Variants in COL24A1 observed in about 807,000 individuals in gnomAD.
COL24A1 encodes the protein collagen type XXIV alpha 1 chain.
In COL24A1, 224 loss-of-function variants were observed where a neutral mutation model predicts 253.9. That is an observed-to-expected ratio of 0.88 (90% CI 0.79 to 0.99). The LOEUF is 0.99. Among genes scored for constraint, COL24A1 ranks in the 50% least tolerant of loss-of-function variants. COL24A1 has a pLI of 0.00. For synonymous variants in COL24A1, 685 were observed against 673.7 expected, an observed-to-expected ratio of 1.02 and a Z score of -0.26; for missense variants, 2,131 against 2,068.5, an observed-to-expected ratio of 1.03 and a Z score of -0.59.
At chr1:85,922,284 T>C (rs1338292946) in intron 24 of COL24A1, among the ~76,000 whole-genome samples, 1 of 152,120 alleles carries the variant, frequency 6.6e-6, no homozygotes, top group Non-Finnish European at 1.5e-5. Flanking sequence ...CCTAGCAAGG[T>C]AGGCCAACAT....
intron 22 of COL24A1, among the ~76,000 whole-genome samples, chr1:85,969,932 G>A (rs896132285): frequency 6.6e-6 from 1 of 151,852 alleles, no homozygotes; most frequent in African/African-American, 2.4e-5. Flanking sequence ...TTACTAAAAT[G>A]GCTAAAGTAT....
At chr1:86,062,865 T>C (rs4522024) in intron 8 of COL24A1, among the ~76,000 whole-genome samples, 65,207 of 151,916 alleles carry the variant, frequency 0.43, 14,667 homozygotes, top group Middle Eastern at 0.64. Flanking sequence ...TAACTTAACA[T>C]GAATGAAAGG....
chr1:85,940,785 A>C (rs1688688750), intron 24 of COL24A1, among the ~76,000 whole-genome samples: 1 of 152,206 alleles, frequency 6.6e-6, no homozygotes, highest in Non-Finnish European at 1.5e-5. Context: ...GTTTTGCCCG[A>C]GGAAGGTCTG....
intron 32 of COL24A1, 123 bp downstream of exon 32, chr1:85,889,437 A>C: frequency 1.3e-6 from 1 of 770,302 alleles, no homozygotes; most frequent in South Asian, 1.7e-5. Flanking sequence ...TGATTAGTCT[A>C]TGGTGTCTAT....
At chr1:85,893,153 A>G (rs543407302) in intron 31 of COL24A1, among the ~76,000 whole-genome samples, 7 of 152,274 alleles carry the variant, frequency 4.6e-5, no homozygotes, top group Non-Finnish European at 1.0e-4. Context: ...TAAATTAAGG[A>G]ACAAGATATG....
chr1:85,961,308 T>C lies in COL24A1; in HGVS notation c.2518-15A>G, dbSNP rs532359179. On this transcript the variant is annotated splice_polypyrimidine_tract_variant and intron_variant, in intron 23 of 59. Transcript: ENST00000370571. ...CCTACTTCTCCCTGTCAAAAAAGAA[T>C]ATAAAGTTGCAAAAACAGTTATTTT... is the stretch of plus-strand genomic sequence containing the variant. 14 of 1,593,888 alleles carry C rather than the reference T, an allele frequency of 8.8e-6. No homozygotes were observed. The South Asian group carries it at 1.3e-4, about 15-fold the overall frequency.
At chr1:86,047,030 A>G (rs1285119533) in intron 11 of COL24A1, among the ~76,000 whole-genome samples, 161 bp from the exon 12 acceptor site, 1 of 152,204 alleles carries the variant, frequency 6.6e-6, no homozygotes. Context: ...TATTAATTTA[A>G]CTGAGGCAGC....
At chr1:86,019,371 C>G (rs1697279649) in intron 18 of COL24A1, among the ~76,000 whole-genome samples, 1 of 149,668 alleles carries the variant, frequency 6.7e-6, no homozygotes, top group Non-Finnish European at 1.5e-5. Flanking sequence ...ACCTGGGCAA[C>G]AAAGCAAGAC....
In COL24A1 at chr1:85,961,286, ACTT is replaced by A; in HGVS notation, c.2522_2524del (p.Glu841del). On this transcript the variant is annotated inframe_deletion, in exon 24 of 60. Coordinates refer to ENST00000370571, the MANE Select transcript of COL24A1 (RefSeq NM_152890.7). ...TTTTCCAATATTTCCTTGATCTCCT[ACTT>A]CTCCCTGTCAAAAAAGAATATAAAG... is the stretch of plus-strand genomic sequence containing the variant. The A allele has an allele frequency of 6.2e-7, 1 of 1,603,480 alleles. No homozygotes were observed. The highest frequency in any genetic ancestry group is 1.1e-5 in the South Asian group (1 of 90,368).
chr1:86,130,259 T>C (rs188095477), intron 2 of COL24A1, among the ~76,000 whole-genome samples: 2 of 152,074 alleles, frequency 1.3e-5, no homozygotes, highest in Admixed American at 1.3e-4. Flanking sequence ...TGAAACACTA[T>C]GTTTTAGGTA....
At chr1:86,098,387 GC>G (rs772180894) in intron 5 of COL24A1, among the ~76,000 whole-genome samples, 2 of 135,504 alleles carry the variant, frequency 1.5e-5, no homozygotes, top group African/African-American at 2.7e-5. Flanking sequence ...AAAGAAAGGA[GC>G]TTCCCCCAAA....
chr1:85,867,319 C>T (rs1381451540), intron 37 of COL24A1, among the ~76,000 whole-genome samples: 1 of 152,214 alleles, frequency 6.6e-6, no homozygotes, highest in Non-Finnish European at 1.5e-5. Context: ...TAATTAGTTC[C>T]TCAGTCTTTA....
At chr1:85,946,669 T>C (rs1689350821) in intron 24 of COL24A1, among the ~76,000 whole-genome samples, 1 of 152,200 alleles carries the variant, frequency 6.6e-6, no homozygotes, top group South Asian at 2.1e-4. Flanking sequence ...GCATTTACCC[T>C]AAGTGGAAGT....
At chr1:85,745,864 A>G (rs1665155795) in intron 55 of COL24A1, among the ~76,000 whole-genome samples, 1 of 152,218 alleles carries the variant, frequency 6.6e-6, no homozygotes, top group African/African-American at 2.4e-5. Context: ...TGAAGAATAA[A>G]TAACTGTAGC....
chr1:86,065,573 G>A (rs1421067648), intron 7 of COL24A1, among the ~76,000 whole-genome samples: 1 of 151,998 alleles, frequency 6.6e-6, no homozygotes, highest in African/African-American at 2.4e-5. Context: ...GTTAATCTAA[G>A]GGAGGACAAT....
chr1:85,842,251 G>T, intron 40 of COL24A1, 89 bp downstream of exon 40: 1 of 1,329,822 alleles, frequency 7.5e-7, no homozygotes, highest in South Asian at 1.3e-5. Flanking sequence ...GTTTATCAGA[G>T]AGATTTCATC....
At chr1:85,745,565 T>C in intron 55 of COL24A1, 59 bp from the exon 56 acceptor site, 1 of 1,217,994 alleles carries the variant, frequency 8.2e-7, no homozygotes, top group Non-Finnish European at 1.2e-6. Flanking sequence ...TGCCCTAAAG[T>C]AAAGGCTGTA....
intron 55 of COL24A1, among the ~76,000 whole-genome samples, chr1:85,760,216 G>A (rs1489252905): frequency 6.6e-6 from 1 of 151,982 alleles, no homozygotes; most frequent in Admixed American, 6.6e-5. Flanking sequence ...GGGATTACAG[G>A]CATGTGCCAC....
chr1:86,085,103 T>G (rs2101930350), intron 7 of COL24A1, among the ~76,000 whole-genome samples: 1 of 152,322 alleles, frequency 6.6e-6, no homozygotes, highest in Middle Eastern at 3.4e-3. Context: ...GTCATTGTGC[T>G]TATCTATATT....
Sources: gnomAD v4.1 joint callset for allele counts (sites outside exome capture counted in the v4.1 genomes callset) on GRCh38, gnomAD v4.1.1 for gene constraint, MANE v1.5 for transcripts, NCBI Gene and HGNC (gene_info 2026-07-23, HGNC 2026-07-21) for gene names.